The following SNTG1 variants were observed in gnomAD, a reference collection of about 807,000 sequenced individuals.
SNTG1 encodes the protein syntrophin gamma 1.
In SNTG1, 39 loss-of-function variants were observed where a neutral mutation model predicts 74.7. That is an observed-to-expected ratio of 0.52 (90% CI 0.40 to 0.68). The LOEUF (loss-of-function observed/expected upper bound fraction) is 0.68, where lower values mean the gene tolerates loss of function less well. Among genes scored for constraint, SNTG1 ranks in the 30% least tolerant of loss-of-function variants. The pLI, the probability that SNTG1 is intolerant of heterozygous loss-of-function variation, is 0.00. For synonymous variants in SNTG1, 254 were observed against 217.1 expected, an observed-to-expected ratio of 1.17 and a Z score of -1.49; for missense variants, 685 against 609.5, an observed-to-expected ratio of 1.12 and a Z score of -1.30.
At chr8:50,654,152 T>C (rs528404619) in intron 13 of SNTG1, among the ~76,000 whole-genome samples, 1 of 152,308 alleles carries the variant, frequency 6.6e-6, no homozygotes, top group South Asian at 2.1e-4. Flanking sequence ...AGCCATCATC[T>C]CTTTCAATAT....
chr8:50,208,070 T>C (rs952653928), intron 2 of SNTG1, among the ~76,000 whole-genome samples: 3 of 152,214 alleles, frequency 2.0e-5, no homozygotes, highest in African/African-American at 7.2e-5. Context: ...GTTCTCTAGA[T>C]GTCTATTAAG....
In SNTG1 at chr8:50,391,514, G is replaced by T. The variant is rs531667483; in HGVS notation, c.-27-2698G>T. 2.0e-3 allele frequency among the ~76,000 whole-genome samples: 303 copies of T among 152,212 alleles called. 3 individuals carry two copies. Among genetic ancestry groups the T allele is most frequent in the South Asian group, 3.7e-3 (18 of 4,822 alleles). ...ATTTTTGCATCAATGTTCATCAGGA[G>T]TATTGGTCTAAAATTCTCTTTTTTT... is the stretch of plus-strand genomic sequence containing the variant. On this transcript the variant is annotated intron_variant, in intron 2 of 18. Transcript: ENST00000642720.
chr8:50,376,299 C>T (rs1388486585), intron 2 of SNTG1, among the ~76,000 whole-genome samples: 2 of 152,218 alleles, frequency 1.3e-5, no homozygotes, highest in East Asian at 3.9e-4. Context: ...AAACTTGAAC[C>T]AGACTCTTGC....
At chr8:50,649,725 A>T (rs1412688380) in intron 13 of SNTG1, among the ~76,000 whole-genome samples, 1 of 152,166 alleles carries the variant, frequency 6.6e-6, no homozygotes, top group African/African-American at 2.4e-5. Flanking sequence ...AAGCCTCATT[A>T]ATGCTCTTGC....
Position 50,240,547 on chromosome 8 carries a change from A to G in SNTG1, c.-28+67912A>G, listed in dbSNP as rs80336831. Among the ~76,000 whole-genome samples, 498 of 152,328 alleles carry G rather than the reference A, an allele frequency of 3.3e-3. 3 individuals are homozygous for G. The highest frequency in any genetic ancestry group is 4.0e-3 in the Non-Finnish European group (269 of 68,036). ...AACTAAACCTATCACAAGATTTTAT[A>G]TATTATGTAAAAAACAATTTTGTAC... is the stretch of plus-strand genomic sequence containing the variant. On this transcript the variant is annotated intron_variant, in intron 2 of 18. Coordinates refer to ENST00000642720, the MANE Select transcript of SNTG1 (RefSeq NM_018967.5).
intron 1 of SNTG1, among the ~76,000 whole-genome samples, chr8:50,152,855 A>T (rs897372437): frequency 6.6e-6 from 1 of 151,914 alleles, no homozygotes; most frequent in East Asian, 1.9e-4. Flanking sequence ...CTCCATTTCA[A>T]CTTTGGTGAA....
chr8:50,448,561 T>G (rs1362952356), intron 5 of SNTG1, among the ~76,000 whole-genome samples: 1 of 152,218 alleles, frequency 6.6e-6, no homozygotes, highest in Non-Finnish European at 1.5e-5. Flanking sequence ...TTTTTATATA[T>G]GACATTTTAT....
At chr8:50,307,321 A>G (rs1037512964) in intron 2 of SNTG1, among the ~76,000 whole-genome samples, 2 of 152,084 alleles carry the variant, frequency 1.3e-5, no homozygotes, top group Admixed American at 6.6e-5. Context: ...CTAGGGTTAT[A>G]TGAGATATTT....
At chr8:50,252,168 T>C (rs2086673209) in intron 2 of SNTG1, among the ~76,000 whole-genome samples, 2 of 151,804 alleles carry the variant, frequency 1.3e-5, no homozygotes, top group African/African-American at 2.4e-5. Context: ...CAAATGATAA[T>C]AAAAACACAT....
At chr8:50,056,018 C>CGGAG (rs1019125082) in intron 1 of SNTG1, among the ~76,000 whole-genome samples, 3 of 151,940 alleles carry the variant, frequency 2.0e-5, no homozygotes, top group African/African-American at 7.3e-5. Flanking sequence ...CAGTTCCAAA[C>CGGAG]GGAGGGAAAA....
chr8:50,507,821 T>C (rs1046803048), intron 9 of SNTG1, among the ~76,000 whole-genome samples: 5 of 149,660 alleles, frequency 3.3e-5, no homozygotes, highest in African/African-American at 4.9e-5. Flanking sequence ...TCTCCTAATG[T>C]TATCCCTTCC....
rs2094197569 is a variant in SNTG1, at chr8:50,523,596, A to G, written c.467-6581A>G. On this transcript the variant is annotated intron_variant, in intron 9 of 18. Coordinates refer to ENST00000642720, the MANE Select transcript of SNTG1 (RefSeq NM_018967.5). ...AGTCAGTTGAGCTGTCAGAACACAT[A>G]CAACATTTATTCATTAAGTTCCTTG... 2.6e-5 allele frequency among the ~76,000 whole-genome samples: 4 copies of G among 152,298 alleles called. No homozygotes were observed. The South Asian group carries it at 8.3e-4, about 32-fold the overall frequency.
intron 12 of SNTG1, among the ~76,000 whole-genome samples, chr8:50,582,958 T>A (rs1384835787): frequency 6.6e-6 from 1 of 152,122 alleles, no homozygotes; most frequent in Non-Finnish European, 1.5e-5. Context: ...AGTTTCCTTA[T>A]CACAACTGCA....
chr8:50,289,806 C>T (rs1036978707), intron 2 of SNTG1, among the ~76,000 whole-genome samples: 2 of 152,130 alleles, frequency 1.3e-5, no homozygotes, highest in Non-Finnish European at 2.9e-5. Context: ...TGGTTACAGT[C>T]AGGATTGGTA....
At chr8:50,187,457 T>C (rs563742435) in intron 2 of SNTG1, among the ~76,000 whole-genome samples, 1 of 152,294 alleles carries the variant, frequency 6.6e-6, no homozygotes, top group South Asian at 2.1e-4. Flanking sequence ...GTAAACTGAC[T>C]AGCCATACGC....
rs1373368169 is a variant in SNTG1 at position 50,502,875 on chromosome 8, G to A, written c.461G>A (p.Cys154Tyr). The change falls in exon 9 of 19, where the codon TGT (cysteine) becomes TAT (tyrosine). Residue 154 changes from cysteine (C) to tyrosine (Y), a missense_variant. Coordinates refer to ENST00000642720, the MANE Select transcript of SNTG1 (RefSeq NM_018967.5). ...AFLKLPLNEDCACAPSDQSSG... is the reference protein window; with the variant it reads ...AFLKLPLNEDYACAPSDQSSG... The stretch of plus-strand genomic sequence containing the variant: ...CTCAAACTCCCATTGAATGAAGATT[G>A]TGCATGTAAGCATTTATAAAGAATA... 1 of 1,610,464 alleles carries A rather than the reference G, an allele frequency of 6.2e-7. No homozygotes were observed. Among genetic ancestry groups the A allele is most frequent in the African/African-American group, 1.3e-5 (1 of 74,844 alleles).
At chr8:49,960,008 T>C (rs1182254139) in intron 1 of SNTG1, among the ~76,000 whole-genome samples, 1 of 152,200 alleles carries the variant, frequency 6.6e-6, no homozygotes. Flanking sequence ...GCGTCAACAG[T>C]ATAACTCAAA....
At chr8:50,303,417 A>G (rs2089737168) in intron 2 of SNTG1, among the ~76,000 whole-genome samples, 1 of 152,028 alleles carries the variant, frequency 6.6e-6, no homozygotes, top group Non-Finnish European at 1.5e-5. Flanking sequence ...TAATAAATAT[A>G]TTTTATGACA....
At chr8:50,130,405 A>G (rs1233101341) in intron 1 of SNTG1, among the ~76,000 whole-genome samples, 2 of 152,132 alleles carry the variant, frequency 1.3e-5, no homozygotes. Context: ...AAAGAGAAAT[A>G]CGAAGAAATG....
Sources: gnomAD v4.1 joint callset for allele counts (sites outside exome capture counted in the v4.1 genomes callset) on GRCh38, gnomAD v4.1.1 for gene constraint, MANE v1.5 for transcripts, NCBI Gene and HGNC (gene_info 2026-07-23, HGNC 2026-07-21) for gene names.